Variants in RPH3AL observed in about 807,000 individuals in gnomAD.
The protein encoded by RPH3AL is rabphilin 3A like (without C2 domains), also known as rab effector Noc2.
In RPH3AL, 38 loss-of-function variants were observed where a neutral mutation model predicts 43.1. That is an observed-to-expected ratio of 0.88 (90% CI 0.68 to 1.15). RPH3AL has a LOEUF of 1.15. Among genes scored for constraint, RPH3AL ranks in the 50% most tolerant of loss-of-function variants. The probability of loss-of-function intolerance (pLI) is 0.00; values close to 1 mark genes in which losing one functional copy is unlikely to be tolerated. For synonymous variants in RPH3AL, 189 were observed against 176.3 expected (o/e 1.07, Z -0.57); for missense variants, 462 against 423.2 (o/e 1.09, Z -0.81).
chr17:321,464 T>C (rs1019179058), intron 3 of RPH3AL, 49 bp from the exon 4 acceptor site: 1 of 1,501,374 alleles, frequency 6.7e-7, no homozygotes, highest in African/African-American at 1.4e-5. Context: ...CGGTGCAAAC[T>C]CCGGCAGCCC....
In RPH3AL at chr17:283,410, C is replaced by T. The variant is rs558765378; in HGVS notation, c.352-1556G>A. ...ATTCCTGCGGGGGACGGATTTGCTACCATCCAATGCTCAGGTACGAGAAAT... is the reference window on the plus strand; with the variant it reads ...ATTCCTGCGGGGGACGGATTTGCTATCATCCAATGCTCAGGTACGAGAAAT... On this transcript the variant is annotated intron_variant, in intron 5 of 9. Transcript: ENST00000331302. This position sits in a 1 kb window ranked among gnomAD's most constrained non-coding sequence, Gnocchi z 4.2. Among the ~76,000 whole-genome samples, 1 of 152,312 alleles carries T rather than the reference C, an allele frequency of 6.6e-6. No homozygotes were observed. Among genetic ancestry groups the T allele is most frequent in the East Asian group, 1.9e-4 (1 of 5,178 alleles).
At chr17:220,425 C>A (rs2040939194) in intron 7 of RPH3AL, among the ~76,000 whole-genome samples, 1 of 146,348 alleles carries the variant, frequency 6.8e-6, no homozygotes, top group African/African-American at 2.6e-5. Flanking sequence ...TCGGAGGCCT[C>A]CACTCGGTGA....
intron 1 of RPH3AL, among the ~76,000 whole-genome samples, chr17:336,749 T>C (rs2044966025): frequency 1.3e-5 from 2 of 152,190 alleles, no homozygotes; most frequent in South Asian, 2.1e-4. Flanking sequence ...CAAACCACCC[T>C]TGCATTCTGC....
At chr17:305,337 A>G (rs1291431966) in intron 5 of RPH3AL, among the ~76,000 whole-genome samples, 1 of 151,948 alleles carries the variant, frequency 6.6e-6, no homozygotes, top group Non-Finnish European at 1.5e-5. Flanking sequence ...CACCTGCCAC[A>G]CTGCGGAGGC....
At chr17:216,531 CTT>C (rs2040807506) in intron 8 of RPH3AL, among the ~76,000 whole-genome samples, 1 of 152,090 alleles carries the variant, frequency 6.6e-6, no homozygotes, top group African/African-American at 2.4e-5. Flanking sequence ...CTGAACTTCT[CTT>C]GTCTCCCAGT....
rs796243682 is a variant in RPH3AL at position 243,647 on chromosome 17, T to C, written c.613+3464A>G. 1.2e-3 allele frequency among the ~76,000 whole-genome samples: 72 copies of C among 60,506 alleles called. 3 individuals carry two copies. The highest frequency in any genetic ancestry group is 7.7e-3 in the East Asian group (12 of 1,560). 39.7% of individuals were successfully genotyped at this position (60,506 alleles called of 152,430 possible). A position where few individuals can be genotyped will look rare whatever the true frequency, so the allele number is the denominator to read the frequency against. ...CTATTGATTACCCTTCCTCTATTGATTACCCTTCCTCTATTGACTACCTTC... is the reference window on the plus strand; with the variant it reads ...CTATTGATTACCCTTCCTCTATTGACTACCCTTCCTCTATTGACTACCTTC... On this transcript the variant is annotated intron_variant, in intron 7 of 9. Transcript: ENST00000331302.
intron 5 of RPH3AL, among the ~76,000 whole-genome samples, chr17:305,684 C>A (rs545818751): frequency 6.6e-6 from 1 of 152,234 alleles, no homozygotes; most frequent in African/African-American, 2.4e-5. Context: ...CCCGGCCACT[C>A]TCCCACCACG....
chr17:279,370 C>T (rs1277268623), intron 6 of RPH3AL, among the ~76,000 whole-genome samples: 1 of 152,118 alleles, frequency 6.6e-6, no homozygotes, highest in Admixed American at 6.5e-5. Flanking sequence ...AGGGAATATC[C>T]TTGATCTTTT....
At position 322,839 on chromosome 17, in the gene RPH3AL, G is replaced by C. The variant is rs2044517651; in HGVS notation, c.78-1424C>G. Among the ~76,000 whole-genome samples the C allele has an allele frequency of 6.6e-6, 1 of 152,102 alleles. No individual in the cohort carries two copies. The highest frequency in any genetic ancestry group is 1.9e-4 in the East Asian group (1 of 5,194). Reference sequence around the variant, plus strand: ...AATACGCATATCCTTTCTCTGTCAGGGGGAGCTGGGGGCTGATGAATGTGA... The same window carrying C: ...AATACGCATATCCTTTCTCTGTCAGCGGGAGCTGGGGGCTGATGAATGTGA... On this transcript the variant is annotated intron_variant, in intron 3 of 9. Coordinates refer to ENST00000331302, the MANE Select transcript of RPH3AL (RefSeq NM_006987.4). The surrounding 1 kb of genome is among the most constrained non-coding windows in gnomAD (Gnocchi z 4.0).
At chr17:268,495 C>T (rs1261650116) in intron 6 of RPH3AL, among the ~76,000 whole-genome samples, 1 of 144,972 alleles carries the variant, frequency 6.9e-6, no homozygotes, top group Non-Finnish European at 1.5e-5. Flanking sequence ...CAACAGTAGA[C>T]TATTAGTTAA....
At chr17:233,166 G>T (rs1202362307) in intron 7 of RPH3AL, among the ~76,000 whole-genome samples, 1 of 152,038 alleles carries the variant, frequency 6.6e-6, no homozygotes, top group Non-Finnish European at 1.5e-5. Context: ...TGTGCAGAGG[G>T]TGGGGCCAAC....
intron 7 of RPH3AL, among the ~76,000 whole-genome samples, chr17:230,258 C>T (rs761423257): frequency 1.3e-5 from 2 of 152,156 alleles, no homozygotes; most frequent in South Asian, 2.1e-4. Context: ...CACCAGATAA[C>T]GAAGACAAAT....
chr17:312,443 T>A (rs1423650981), intron 5 of RPH3AL, among the ~76,000 whole-genome samples: 7 of 152,126 alleles, frequency 4.6e-5, no homozygotes. Flanking sequence ...ATCTCAGAAT[T>A]TCGTGCCTCC....
At chr17:313,729 C>G (rs537784001) in intron 5 of RPH3AL, among the ~76,000 whole-genome samples, 30 of 152,164 alleles carry the variant, frequency 2.0e-4, no homozygotes, top group Non-Finnish European at 4.0e-4. Flanking sequence ...TCGTTCACGG[C>G]GTCGGCAGGA....
chr17:302,607 C>A (rs1050380295), intron 5 of RPH3AL, among the ~76,000 whole-genome samples: 8 of 152,146 alleles, frequency 5.3e-5, no homozygotes, highest in African/African-American at 1.9e-4. Flanking sequence ...ATGGGAGGCG[C>A]CCGCCGTCGA....
intron 1 of RPH3AL, among the ~76,000 whole-genome samples, chr17:344,194 CTCA>C (rs2045192399): frequency 7.6e-6 from 1 of 131,456 alleles, no homozygotes; most frequent in African/African-American, 2.6e-5. Flanking sequence ...TATAATCACC[CTCA>C]TCATCATCAC....
At chr17:337,812 C>G (rs2045001843) in intron 1 of RPH3AL, among the ~76,000 whole-genome samples, 1 of 152,224 alleles carries the variant, frequency 6.6e-6, no homozygotes, top group South Asian at 2.1e-4. Context: ...TCATGGGGCA[C>G]ACGTAGGAGG....
intron 3 of RPH3AL, among the ~76,000 whole-genome samples, chr17:326,073 C>T (rs1312642601): frequency 6.6e-6 from 1 of 152,220 alleles, no homozygotes; most frequent in Admixed American, 6.5e-5. Flanking sequence ...GTCGAGAGCA[C>T]AGTGGCGGAG....
chr17:271,092 G>A (rs1211670300), intron 6 of RPH3AL, among the ~76,000 whole-genome samples: 2 of 152,148 alleles, frequency 1.3e-5, no homozygotes, highest in African/African-American at 2.4e-5. Context: ...TTGTAGATGT[G>A]TGGTATTATT....
Sources: gnomAD v4.1 joint callset for allele counts (sites outside exome capture counted in the v4.1 genomes callset) on GRCh38, gnomAD v4.1.1 for gene constraint, Gnocchi (gnomAD v3.1) non-coding constraint, MANE v1.5 for transcripts, NCBI Gene and HGNC (gene_info 2026-07-23, HGNC 2026-07-21) for gene names.